The following ADAMTS17 variants were observed in gnomAD, a reference collection of about 807,000 sequenced individuals.
ADAMTS17 encodes the protein ADAM metallopeptidase with thrombospondin type 1 motif 17.
A neutral mutation model predicts 141.5 loss-of-function variants in ADAMTS17; 113 were observed. The ratio of observed to expected loss-of-function variants is 0.80; its 90% CI spans 0.69 to 0.93. The LOEUF (loss-of-function observed/expected upper bound fraction) is 0.93, where lower values mean the gene tolerates loss of function less well. Among genes scored for constraint, ADAMTS17 ranks in the 40% least tolerant of loss-of-function variants. The pLI is 0.00. For missense variants in ADAMTS17, 1,659 were observed against 1,517.9 expected, an observed-to-expected ratio of 1.09 and a Z score of -1.54; for synonymous variants, 768 against 630.6, an observed-to-expected ratio of 1.22 and a Z score of -3.27.
At position 100,192,132 on chromosome 15, in the gene ADAMTS17, C is replaced by T. The variant is rs764204129; in HGVS notation, c.1181+7186G>A. ...GGGTAAGACTGCCGTGCCCAGTGGA[C>T]GCTCACACACGGACTTTGATGCAGG... On this transcript the variant is annotated intron_variant, in intron 8 of 21. Transcript: ENST00000268070. 4.6e-5 allele frequency among the ~76,000 whole-genome samples: 7 copies of T among 152,322 alleles called. No homozygotes were observed. In the South Asian group the frequency reaches 1.0e-3, roughly 23 times the overall value.
chr15:100,174,199 T>G (rs988056035), intron 8 of ADAMTS17, among the ~76,000 whole-genome samples: 2 of 152,226 alleles, frequency 1.3e-5, no homozygotes, highest in Non-Finnish European at 2.9e-5. Flanking sequence ...GATAATCATT[T>G]CTTGGTTAAA....
intron 18 of ADAMTS17, among the ~76,000 whole-genome samples, chr15:100,018,886 C>T (rs2061345913): frequency 6.6e-6 from 1 of 152,182 alleles, no homozygotes; most frequent in Non-Finnish European, 1.5e-5. Context: ...GAAATGTTCT[C>T]ACACGGTACT....
intron 14 of ADAMTS17, among the ~76,000 whole-genome samples, chr15:100,107,231 A>G (rs756983330): frequency 3.3e-5 from 5 of 152,104 alleles, no homozygotes; most frequent in Non-Finnish European, 7.4e-5. Context: ...TGAAATGTTG[A>G]TGCCTATGCA....
intron 18 of ADAMTS17, among the ~76,000 whole-genome samples, chr15:100,029,580 C>G (rs569436572): frequency 6.6e-6 from 1 of 152,316 alleles, no homozygotes; most frequent in Non-Finnish European, 1.5e-5. Flanking sequence ...AAAGTCCTGC[C>G]TTCAGTCTCC....
intron 12 of ADAMTS17, among the ~76,000 whole-genome samples, chr15:100,123,611 G>A (rs753894388): frequency 2.6e-5 from 4 of 152,346 alleles, no homozygotes; most frequent in East Asian, 1.9e-4. Flanking sequence ...TAAAACAGCC[G>A]ACACGCCCAG....
At chr15:100,184,657 G>C (rs73475420) in intron 8 of ADAMTS17, among the ~76,000 whole-genome samples, 1 of 152,128 alleles carries the variant, frequency 6.6e-6, no homozygotes, top group Admixed American at 6.5e-5. Flanking sequence ...GAGGCCCAGC[G>C]TAGGTTGTCT....
intron 10 of ADAMTS17, among the ~76,000 whole-genome samples, chr15:100,141,970 A>C (rs1349889244): frequency 6.6e-6 from 1 of 152,218 alleles, no homozygotes; most frequent in Non-Finnish European, 1.5e-5. Flanking sequence ...CCAGCCACCC[A>C]TTCTGGCCAG....
At chr15:100,071,604 A>T (rs1012815961) in intron 15 of ADAMTS17, among the ~76,000 whole-genome samples, 4 of 150,572 alleles carry the variant, frequency 2.7e-5, no homozygotes, top group Non-Finnish European at 5.9e-5. Context: ...CTGGTTCAAC[A>T]TATGCAAATC....
intron 8 of ADAMTS17, among the ~76,000 whole-genome samples, chr15:100,157,961 T>C (rs1287869615): frequency 6.7e-6 from 1 of 150,214 alleles, no homozygotes; most frequent in Non-Finnish European, 1.5e-5. Context: ...GAATCTCGGA[T>C]CACTGCAACC....
chr15:100,166,717 T>A (rs547761276), intron 8 of ADAMTS17, among the ~76,000 whole-genome samples: 1 of 152,228 alleles, frequency 6.6e-6, no homozygotes, highest in Non-Finnish European at 1.5e-5. Context: ...ATGAGGGGCA[T>A]GAACCAGGTG....
At chr15:100,191,284 C>T (rs1419471469) in intron 8 of ADAMTS17, among the ~76,000 whole-genome samples, 12 of 152,238 alleles carry the variant, frequency 7.9e-5, no homozygotes. Context: ...TAACGAAACT[C>T]TGGGGGCAGA....
At chr15:100,294,017 G>A (rs552020756) in intron 3 of ADAMTS17, among the ~76,000 whole-genome samples, 8 of 152,280 alleles carry the variant, frequency 5.3e-5, no homozygotes, top group African/African-American at 1.9e-4. Context: ...CAGGGTGACA[G>A]TGGGTGAGTT....
intron 6 of ADAMTS17, 63 bp downstream of exon 6, chr15:100,261,416 C>T: frequency 1.2e-6 from 2 of 1,609,518 alleles, no homozygotes; most frequent in Non-Finnish European, 1.7e-6. Flanking sequence ...ATGCCTATTT[C>T]CTCTCTGAAG....
intron 4 of ADAMTS17, among the ~76,000 whole-genome samples, chr15:100,280,165 G>A (rs1349816572): frequency 6.6e-6 from 1 of 151,934 alleles, no homozygotes; most frequent in Non-Finnish European, 1.5e-5. Context: ...CTTGAATTCA[G>A]CTTGTCCAGA....
chr15:100,075,971 C>T lies in ADAMTS17; in HGVS notation c.2137+20385G>A, dbSNP rs1012336474. 5.3e-5 allele frequency among the ~76,000 whole-genome samples: 8 copies of T among 152,140 alleles called. No individual in the cohort carries two copies. In the East Asian group the frequency reaches 1.5e-3, roughly 29 times the overall value. ...AATTCTGCTAAGTCACGTTTCATCTCTCTTTCTTGCTTCATTGTATCACTG... is the reference window on the plus strand; with the variant it reads ...AATTCTGCTAAGTCACGTTTCATCTTTCTTTCTTGCTTCATTGTATCACTG... On this transcript the variant is annotated intron_variant, in intron 15 of 21. Transcript: ENST00000268070.
chr15:100,117,458 A>G (rs965147919), intron 12 of ADAMTS17, among the ~76,000 whole-genome samples: 1 of 152,152 alleles, frequency 6.6e-6, no homozygotes, highest in African/African-American at 2.4e-5. Flanking sequence ...GAGTAAATAC[A>G]TAGCTCATTT....
intron 4 of ADAMTS17, 144 bp downstream of exon 4, chr15:100,281,085 G>T: frequency 8.2e-7 from 1 of 1,212,770 alleles, no homozygotes; most frequent in Non-Finnish European, 1.2e-6. Flanking sequence ...CCTCCTCAAT[G>T]CCCAGAATTA....
rs1195685928 is a variant in ADAMTS17 at position 100,121,778 on chromosome 15, T to C, written c.1722-4765A>G. Among the ~76,000 whole-genome samples the C allele has an allele frequency of 2.6e-5, 4 of 151,926 alleles. No homozygotes were observed. In the East Asian group the frequency reaches 7.7e-4, roughly 29 times the overall value. ...CAGGCTTTTCTCCCTGGTCCTGGTA[T>C]GTGGCTTCTCTCAGCATGCTTCTTC... On this transcript the variant is annotated intron_variant, in intron 12 of 21. Coordinates refer to ENST00000268070, the MANE Select transcript of ADAMTS17 (RefSeq NM_139057.4).
intron 18 of ADAMTS17, among the ~76,000 whole-genome samples, chr15:100,029,126 G>C (rs149728571): frequency 1.3e-3 from 204 of 152,232 alleles, no homozygotes; most frequent in African/African-American, 4.7e-3. Flanking sequence ...TGAACCCCTA[G>C]TCCTGAGTAT....
Sources: allele counts gnomAD v4.1 joint callset (sites outside exome capture counted in the v4.1 genomes callset), GRCh38; gene constraint gnomAD v4.1.1; transcripts MANE v1.5; gene names NCBI Gene and HGNC (gene_info 2026-07-23, HGNC 2026-07-21).